TTC1: variants seen among roughly 807,000 people sequenced by gnomAD.
TTC1 encodes tetratricopeptide repeat domain 1, also known as tetratricopeptide repeat protein 1.
TTC1 carries 31 observed loss-of-function variants against 37.6 expected under a neutral mutation model. That is an observed-to-expected ratio of 0.82 (90% confidence interval 0.62 to 1.11). TTC1 has a LOEUF of 1.11. Ranked by LOEUF, TTC1 falls within the 50% of genes most tolerant of loss-of-function variation. TTC1 has a pLI of 0.00. For synonymous variants in TTC1, 127 were observed against 122.4 expected (o/e 1.04, Z -0.25); for missense variants, 351 against 339.0 (o/e 1.04, Z -0.28).
chr5:160,036,693 T>G lies in TTC1; in HGVS notation c.394T>G (p.Tyr132Asp). The G allele has an allele frequency of 6.2e-7, 1 of 1,606,988 alleles. No individual in the cohort carries two copies. Among genetic ancestry groups the G allele is most frequent in the Non-Finnish European group, 8.5e-7 (1 of 1,173,568 alleles). ...EGNEQFKKGD[Y>D]IEAESSYSRA... ...TTCATCCTTTCTCTTATCCTCAGAT[T>G]ATATAGAAGCTGAAAGTTCTTATAG... Residue 132 changes from tyrosine to aspartate, a missense_variant and splice_region_variant, in exon 4 of 8, where the codon TAT becomes GAT. Tyr to Asp is a radical substitution (Grantham distance 160). Transcript: ENST00000231238.
At chr5:160,048,308 C>T (rs1030170367) in intron 5 of TTC1, among the ~76,000 whole-genome samples, 2 of 151,924 alleles carry the variant, frequency 1.3e-5, no homozygotes, top group South Asian at 2.1e-4. Flanking sequence ...CACACTGCCA[C>T]GCCCAGCTAA....
chr5:160,046,514 C>T (rs1349303849), intron 5 of TTC1, among the ~76,000 whole-genome samples: 2 of 152,010 alleles, frequency 1.3e-5, no homozygotes, highest in East Asian at 3.8e-4. Context: ...TATTTTCTCC[C>T]TAAGTGATCT....
At chr5:160,044,769 A>G (rs935501073) in intron 5 of TTC1, among the ~76,000 whole-genome samples, 1 of 152,152 alleles carries the variant, frequency 6.6e-6, no homozygotes, top group Non-Finnish European at 1.5e-5. Flanking sequence ...GTGACTAAGA[A>G]TGCCTTAACC....
At position 160,010,662 on chromosome 5, in the gene TTC1, T is replaced by C; in HGVS notation, c.134T>C (p.Leu45Pro). 1 of 1,613,872 alleles carries C rather than the reference T, an allele frequency of 6.2e-7. No individual in the cohort carries two copies. Among genetic ancestry groups the C allele is most frequent in the Non-Finnish European group, 8.5e-7 (1 of 1,179,880 alleles). The change falls in exon 2 of 8, where the codon CTG (leucine) becomes CCG (proline). Residue 45 changes from leucine (L) to proline (P), a missense_variant. Leu to Pro is a moderately conservative substitution (Grantham distance 98). Transcript: ENST00000231238. ...AAAAATCAGCATTCCCAGAGTAAGC[T>C]GCTCAGGGATGATGAGGCCCATCTC... ...DPKNQHSQSK[L>P]LRDDEAHLQE...
intron 7 of TTC1, among the ~76,000 whole-genome samples, chr5:160,061,328 G>C (rs1753386754): frequency 6.6e-6 from 1 of 152,176 alleles, no homozygotes; most frequent in Non-Finnish European, 1.5e-5. Flanking sequence ...TCCTGCCCCA[G>C]CCAAAGGAAT....
At chr5:160,016,879 G>T (rs906208181) in intron 2 of TTC1, among the ~76,000 whole-genome samples, 2 of 152,194 alleles carry the variant, frequency 1.3e-5, no homozygotes, top group Non-Finnish European at 1.5e-5. Flanking sequence ...TTGTCCTGTG[G>T]CTGGGAAGAT....
At chr5:160,047,314 GT>G (rs1757278674) in intron 5 of TTC1, among the ~76,000 whole-genome samples, 1 of 152,080 alleles carries the variant, frequency 6.6e-6, no homozygotes, top group South Asian at 2.1e-4. Flanking sequence ...ATTACCATCT[GT>G]CCCCTTGCTT....
At chr5:160,045,172 G>A (rs926047976) in intron 5 of TTC1, among the ~76,000 whole-genome samples, 6 of 152,072 alleles carry the variant, frequency 3.9e-5, no homozygotes, top group South Asian at 2.1e-4. Flanking sequence ...CCTTGTAAGC[G>A]TGATTAGCAT....
chr5:160,065,163 C>T lies in TTC1; in HGVS notation c.*98C>T, dbSNP rs901420498. ...GCCAATGTTTAACTTTTAAAAGCAT[C>T]TTATCTAAAAGAAAGGCTATCCAGT... On this transcript the variant is annotated 3_prime_UTR_variant, in exon 8 of 8. Transcript: ENST00000231238. 2.0e-6 allele frequency: 3 copies of T among 1,512,150 alleles called. No individual in the cohort carries two copies. In the Middle Eastern group the frequency reaches 5.2e-4, roughly 265 times the overall value. The allele number at this position is 1,512,150 out of a possible 1,614,324, so 93.7% of individuals were successfully genotyped here. A position where few individuals can be genotyped will look rare whatever the true frequency, so the allele number is the denominator to read the frequency against.
In TTC1 at chr5:160,049,530, C is replaced by A; in HGVS notation, c.558C>A (p.Pro186=). 6.4e-7 allele frequency: 1 copy of A among 1,573,372 alleles called. No homozygotes were observed. The highest frequency in any genetic ancestry group is 8.6e-7 in the Non-Finnish European group (1 of 1,166,136). ...NDCSKAIQLN[P]SYIRAILRRA... ...TTTTTACAGCAATTCAATTAAACCC[C>A]AGCTATATCAGGGCAATATTGAGGA... Residue 186 remains proline (P), a synonymous_variant, in exon 6 of 8, where the codon CCC becomes CCA. Coordinates refer to ENST00000231238, the MANE Select transcript of TTC1 (RefSeq NM_003314.3).
At chr5:160,019,799 G>A (rs990305437) in intron 2 of TTC1, among the ~76,000 whole-genome samples, 1 of 151,608 alleles carries the variant, frequency 6.6e-6, no homozygotes, top group African/African-American at 2.4e-5. Flanking sequence ...TGGCCAGGCT[G>A]GTCTCGAACT....
chr5:160,033,958 A>G (rs1756960472), intron 2 of TTC1, among the ~76,000 whole-genome samples: 1 of 152,152 alleles, frequency 6.6e-6, no homozygotes. Context: ...AAGCTTCAAG[A>G]AGGAGGAAAG....
chr5:160,041,359 G>A (rs1396815655), intron 4 of TTC1, among the ~76,000 whole-genome samples: 1 of 141,852 alleles, frequency 7.0e-6, no homozygotes, highest in Non-Finnish European at 1.5e-5. Flanking sequence ...TGCCTAGGCT[G>A]TAGTACAATG....
At chr5:160,054,623 A>C (rs573440929) in intron 7 of TTC1, among the ~76,000 whole-genome samples, 1 of 152,258 alleles carries the variant, frequency 6.6e-6, no homozygotes, top group East Asian at 1.9e-4. Context: ...GAAAGAAAAA[A>C]GAAAAGAAAA....
In TTC1 at chr5:160,064,972, TG is replaced by T; in HGVS notation, c.789del (p.Leu264SerfsTer39). The T allele has an allele frequency of 6.2e-7, 1 of 1,613,990 alleles. No individual in the cohort carries two copies. Among genetic ancestry groups the T allele is most frequent in the Non-Finnish European group, 8.5e-7 (1 of 1,180,002 alleles). ...TTGGGAACTTGGTTCTCCGACCTTT[TG>T]GGCTCTCCACGGAAAATTTCCAGAT... is the stretch of plus-strand genomic sequence containing the variant. ...DLGNLVLRPF[G>X]LSTENFQIKQ... On this transcript the variant is annotated frameshift_variant, in exon 8 of 8. Transcript: ENST00000231238. LOFTEE classifies it high-confidence loss of function.
intron 5 of TTC1, among the ~76,000 whole-genome samples, chr5:160,045,520 A>ACACTCTCTCTCTCT (rs1202139318): frequency 1.8e-5 from 1 of 54,904 alleles, no homozygotes; most frequent in Admixed American, 2.3e-4. Context: ...ACACATACAC[A>ACACTCTCTCTCTCT]CTCTCTCTCT....
Position 160,010,621 on chromosome 5 carries a change from TCCAGTTCCTGATC to T in TTC1, c.97_109del (p.Val33LysfsTer51). 6.2e-7 allele frequency: 1 copy of T among 1,614,110 alleles called. No individual in the cohort carries two copies. The highest frequency in any genetic ancestry group is 1.7e-4 in the Middle Eastern group (1 of 6,040). ...CTCAGGAAGCCGAGTGTGCTGGCCC[TCCAGTTCCTGATC>T]CCAAAAATCAGCATTCCCAGAGTAA... On this transcript the variant is annotated frameshift_variant, in exon 2 of 8. Transcript: ENST00000231238. LOFTEE classifies it high-confidence loss of function.
At chr5:160,051,991 A>G (rs1757413861) in intron 7 of TTC1, among the ~76,000 whole-genome samples, 1 of 152,284 alleles carries the variant, frequency 6.6e-6, no homozygotes, top group African/African-American at 2.4e-5. Context: ...GCCTTCAGAC[A>G]TCAGCATCCA....
At chr5:160,025,492 A>T (rs534138468) in intron 2 of TTC1, among the ~76,000 whole-genome samples, 1 of 152,330 alleles carries the variant, frequency 6.6e-6, no homozygotes, top group South Asian at 2.1e-4. Flanking sequence ...TCTCGAAATG[A>T]CTATAGGTCA....
Sources: allele counts gnomAD v4.1 joint callset (sites outside exome capture counted in the v4.1 genomes callset), GRCh38; gene constraint gnomAD v4.1.1; transcripts MANE v1.5; gene names NCBI Gene and HGNC (gene_info 2026-07-23, HGNC 2026-07-21).